Variants in RNF2 observed in about 807,000 individuals in gnomAD.
RNF2 encodes the protein ring finger protein 2, also known as E3 ubiquitin-protein ligase RING2.
RNF2 carries 6 observed loss-of-function variants against 37.2 expected under a neutral mutation model. That is an observed-to-expected ratio of 0.16 (90% CI 0.09 to 0.32). The LOEUF is 0.32. RNF2 is among the 10% of genes least tolerant of loss of function. RNF2 has a pLI of 1.00. For missense variants in RNF2, 251 were observed against 404.0 expected (o/e 0.62, Z 3.25); for synonymous variants, 133 against 132.7 (o/e 1.00, Z -0.02).
intron 4 of RNF2, 102 bp from the exon 5 acceptor site, chr1:185,097,970 T>C (rs1433629999): frequency 1.6e-6 from 2 of 1,233,890 alleles, no homozygotes; most frequent in Admixed American, 2.2e-5. Context: ...CAGTTACCAG[T>C]ATTTTTTGGA....
intron 1 of RNF2, among the ~76,000 whole-genome samples, chr1:185,046,901 G>A (rs1303873419): frequency 6.6e-6 from 1 of 152,202 alleles, no homozygotes; most frequent in Non-Finnish European, 1.5e-5. Flanking sequence ...TCTAATAACT[G>A]AGGTGGGTGT....
chr1:185,096,413 AAAATTGAAACCCTGT>A (rs1320019672), intron 4 of RNF2, among the ~76,000 whole-genome samples: 1 of 152,182 alleles, frequency 6.6e-6, no homozygotes, highest in African/African-American at 2.4e-5. Flanking sequence ...TTCATCTTAT[AAAATTGAAACCCTGT>A]ATCCATTAAG....
chr1:185,081,345 A>G (rs1651343103), intron 1 of RNF2, among the ~76,000 whole-genome samples: 1 of 151,790 alleles, frequency 6.6e-6, no homozygotes, highest in Admixed American at 6.6e-5. Context: ...GGTTGGCGAG[A>G]GGTCCGATGA....
intron 1 of RNF2, among the ~76,000 whole-genome samples, chr1:185,048,576 A>G (rs1412987654): frequency 3.3e-5 from 5 of 152,204 alleles, no homozygotes; most frequent in Non-Finnish European, 7.3e-5. Context: ...TTCTAATGAG[A>G]GCATACTATT....
At chr1:185,053,536 G>C (rs1650331229) in intron 1 of RNF2, among the ~76,000 whole-genome samples, 1 of 151,468 alleles carries the variant, frequency 6.6e-6, no homozygotes, top group Non-Finnish European at 1.5e-5. Flanking sequence ...CTTTATTTTT[G>C]TAGAGATCGG....
At chr1:185,056,363 T>C (rs190188348) in intron 1 of RNF2, among the ~76,000 whole-genome samples, 5 of 151,478 alleles carry the variant, frequency 3.3e-5, no homozygotes, top group African/African-American at 7.3e-5. Context: ...TTTTTTTTTT[T>C]CTCATTTTTT....
At chr1:185,054,432 T>C (rs756216909) in intron 1 of RNF2, among the ~76,000 whole-genome samples, 188 of 152,308 alleles carry the variant, frequency 1.2e-3, no homozygotes, top group Admixed American at 1.7e-3. Context: ...GGGGCACGTC[T>C]GGTGATAGCT....
chr1:185,081,875 A>G (rs1311022205), intron 1 of RNF2, among the ~76,000 whole-genome samples: 1 of 152,192 alleles, frequency 6.6e-6, no homozygotes, highest in African/African-American at 2.4e-5. Flanking sequence ...GCTGGGATTC[A>G]GAAAACTGTA....
At chr1:185,072,481 T>C (rs995170731) in intron 1 of RNF2, among the ~76,000 whole-genome samples, 37 of 152,036 alleles carry the variant, frequency 2.4e-4, no homozygotes, top group African/African-American at 8.9e-4. Context: ...AGAGAGAACG[T>C]GAGATAAAGA....
intron 1 of RNF2, among the ~76,000 whole-genome samples, chr1:185,064,848 A>AT (rs958088506): frequency 4.0e-5 from 6 of 151,604 alleles, no homozygotes; most frequent in South Asian, 4.2e-4. Context: ...TGTATATGGA[A>AT]TTTTTTTTTA....
intron 1 of RNF2, among the ~76,000 whole-genome samples, chr1:185,056,043 A>G (rs1345304633): frequency 6.6e-6 from 1 of 152,184 alleles, no homozygotes; most frequent in African/African-American, 2.4e-5. Flanking sequence ...AAATTTCTTT[A>G]TTCTTAATGT....
At position 185,101,142 on chromosome 1, in the gene RNF2, C is replaced by T. The variant is rs992015136; in HGVS notation, c.*841C>T. The T allele has an allele frequency of 1.3e-5, 2 of 152,320 alleles. No homozygotes were observed. The highest frequency in any genetic ancestry group is 4.8e-5 in the African/African-American group (2 of 41,382). The allele number at this position is 152,320 out of a possible 1,614,324, so 9.4% of individuals were successfully genotyped here. On this transcript the variant is annotated 3_prime_UTR_variant, in exon 7 of 7. Coordinates refer to ENST00000367510, the MANE Select transcript of RNF2 (RefSeq NM_007212.4). ...TGTGATGTTTTTCCCCATTAAAATA[C>T]CAGAGATAATGGAGATATTTTGCAC... is the stretch of plus-strand genomic sequence containing the variant.
intron 4 of RNF2, among the ~76,000 whole-genome samples, chr1:185,095,699 A>G (rs965120737): frequency 6.6e-6 from 1 of 152,166 alleles, no homozygotes; most frequent in Non-Finnish European, 1.5e-5. Flanking sequence ...TTCTTCCTTT[A>G]TATTGAATTA....
At chr1:185,065,169 C>T (rs948589800) in intron 1 of RNF2, among the ~76,000 whole-genome samples, 1 of 151,870 alleles carries the variant, frequency 6.6e-6, no homozygotes, top group African/African-American at 2.4e-5. Flanking sequence ...ACCAATCAGC[C>T]CTCTGTGTCT....
chr1:185,055,129 A>T (rs1263149535), intron 1 of RNF2, among the ~76,000 whole-genome samples: 1 of 152,234 alleles, frequency 6.6e-6, no homozygotes. Flanking sequence ...GGGAATAGGG[A>T]AAGTATGCTC....
At chr1:185,084,556 T>A (rs1176126410) in intron 1 of RNF2, among the ~76,000 whole-genome samples, 1 of 152,208 alleles carries the variant, frequency 6.6e-6, no homozygotes, top group Non-Finnish European at 1.5e-5. Flanking sequence ...TCAAGTCAGT[T>A]TTATTTTGAG....
chr1:185,090,077 A>G (rs936910155), intron 2 of RNF2, among the ~76,000 whole-genome samples: 1 of 151,912 alleles, frequency 6.6e-6, no homozygotes, highest in Non-Finnish European at 1.5e-5. Flanking sequence ...GTGTGCCACC[A>G]TGCCCGGCTA....
chr1:185,048,270 T>C (rs1332531860), intron 1 of RNF2, among the ~76,000 whole-genome samples: 2 of 152,338 alleles, frequency 1.3e-5, no homozygotes, highest in Non-Finnish European at 2.9e-5. Flanking sequence ...TCCAGTTTTA[T>C]GTTGTGTGGA....
At chr1:185,079,222 G>GAT (rs1651274529) in intron 1 of RNF2, among the ~76,000 whole-genome samples, 1 of 151,928 alleles carries the variant, frequency 6.6e-6, no homozygotes, top group South Asian at 2.1e-4. Flanking sequence ...TGGTGTTTCG[G>GAT]ATATATCTTT....
Sources: gnomAD v4.1 joint callset for allele counts (sites outside exome capture counted in the v4.1 genomes callset) on GRCh38, gnomAD v4.1.1 for gene constraint, MANE v1.5 for transcripts, NCBI Gene and HGNC (gene_info 2026-07-23, HGNC 2026-07-21) for gene names.